MTUS1: variants seen among roughly 807,000 people sequenced by gnomAD.
MTUS1 encodes microtubule-associated tumor suppressor 1.
In MTUS1, 109 loss-of-function variants were observed where a neutral mutation model predicts 120.8. That is an observed-to-expected ratio of 0.90 (90% CI 0.77 to 1.06). MTUS1 has a LOEUF of 1.06. Ranked by LOEUF, MTUS1 falls within the 50% of genes least tolerant of loss-of-function variation. The pLI is 0.00. For missense variants in MTUS1, 2,210 were observed against 1,486.3 expected (o/e 1.49, Z -8.01); for synonymous variants, 737 against 550.5 (o/e 1.34, Z -4.74).
chr8:17,772,051 A>G (rs1290200150), intron 1 of MTUS1, among the ~76,000 whole-genome samples: 1 of 152,178 alleles, frequency 6.6e-6, no homozygotes, highest in Non-Finnish European at 1.5e-5. Flanking sequence ...AATGATTTAG[A>G]AGCAGAATCA....
Position 17,647,659 on chromosome 8 carries a change from A to G in MTUS1, c.3502-580T>C, listed in dbSNP as rs904636234. Among the ~76,000 whole-genome samples the G allele has an allele frequency of 2.0e-5, 3 of 152,172 alleles. No homozygotes were observed. In the South Asian group the frequency reaches 6.2e-4, roughly 31 times the overall value. On this transcript the variant is annotated intron_variant, in intron 13 of 14. Coordinates refer to ENST00000693296, the MANE Select transcript of MTUS1 (RefSeq NM_001363059.2). ...GAAGTAACATGCCACGAGTCTCCTC[A>G]GGTCAGCTGAAGATAGATAGGTCTG...
chr8:17,774,531 G>A (rs543677966), intron 1 of MTUS1, among the ~76,000 whole-genome samples: 1 of 152,178 alleles, frequency 6.6e-6, no homozygotes, highest in African/African-American at 2.4e-5. Context: ...TCTTTAGCGA[G>A]ATGCAAATCA....
chr8:17,651,621 A>G (rs1463177978), intron 12 of MTUS1: 3 of 151,562 alleles, frequency 2.0e-5, no homozygotes, highest in African/African-American at 4.9e-5. Context: ...TTAAAATTAG[A>G]GCATTTACAA....
At chr8:17,676,327 C>G in intron 7 of MTUS1, 1 of 703,030 alleles carries the variant, frequency 1.4e-6, no homozygotes, top group South Asian at 1.5e-5. Flanking sequence ...TGGGGCAGCC[C>G]ATTTTCCAGC....
chr8:17,746,543 C>A (rs951369389), intron 2 of MTUS1, among the ~76,000 whole-genome samples: 1 of 152,064 alleles, frequency 6.6e-6, no homozygotes, highest in Non-Finnish European at 1.5e-5. Flanking sequence ...AGCAGTTTCC[C>A]CTTATAAAAC....
At chr8:17,695,617 C>G (rs1817789358) in intron 6 of MTUS1, among the ~76,000 whole-genome samples, 1 of 152,186 alleles carries the variant, frequency 6.6e-6, no homozygotes, top group Admixed American at 6.5e-5. Context: ...CACAACAACA[C>G]TACAGACAAC....
At chr8:17,675,156 A>T (rs1318495728) in intron 8 of MTUS1, 30 bp downstream of exon 8, 1 of 1,613,180 alleles carries the variant, frequency 6.2e-7, no homozygotes. Context: ...TGTCCCATAA[A>T]ATTTAACAAC....
intron 4 of MTUS1, among the ~76,000 whole-genome samples, chr8:17,717,527 T>C (rs1019189864): frequency 2.0e-5 from 3 of 152,248 alleles, no homozygotes; most frequent in African/African-American, 7.2e-5. Flanking sequence ...TATTTGATTA[T>C]ATTCAGCAAC....
At chr8:17,712,407 G>A (rs947804827) in intron 6 of MTUS1, among the ~76,000 whole-genome samples, 11 of 151,836 alleles carry the variant, frequency 7.2e-5, no homozygotes, top group African/African-American at 2.7e-4. Context: ...TGTAATCTAC[G>A]CTCAATGCCA....
chr8:17,688,439 T>A (rs563522042), intron 6 of MTUS1, among the ~76,000 whole-genome samples: 3 of 152,242 alleles, frequency 2.0e-5, no homozygotes, highest in African/African-American at 7.2e-5. Flanking sequence ...ACTGACTGGA[T>A]GGTAAGTCCT....
At chr8:17,689,782 A>G (rs941471962) in intron 6 of MTUS1, among the ~76,000 whole-genome samples, 1 of 152,138 alleles carries the variant, frequency 6.6e-6, no homozygotes, top group Non-Finnish European at 1.5e-5. Context: ...AATACATACA[A>G]TGGGGAAAGG....
chr8:17,784,061 C>A (rs2051101130), intron 1 of MTUS1, among the ~76,000 whole-genome samples: 1 of 151,812 alleles, frequency 6.6e-6, no homozygotes. Context: ...AATTCAGTAT[C>A]CATTCATGCC....
At chr8:17,679,906 T>C (rs928006968) in intron 7 of MTUS1, among the ~76,000 whole-genome samples, 1 of 152,238 alleles carries the variant, frequency 6.6e-6, no homozygotes, top group Non-Finnish European at 1.5e-5. Context: ...GACTTTATGC[T>C]CATCCTACAT....
chr8:17,762,033 A>C (rs2049079816), intron 1 of MTUS1, among the ~76,000 whole-genome samples: 1 of 152,188 alleles, frequency 6.6e-6, no homozygotes, highest in South Asian at 2.1e-4. Context: ...TAATACCAAG[A>C]CTTTGGGAAG....
chr8:17,647,282 G>A (rs1420471239), intron 13 of MTUS1: 3 of 523,530 alleles, frequency 5.7e-6, no homozygotes, highest in African/African-American at 3.9e-5. Flanking sequence ...TTTAAAACAT[G>A]TATGCCAGGA....
chr8:17,785,363 T>C (rs964158585), intron 1 of MTUS1, among the ~76,000 whole-genome samples: 2 of 152,206 alleles, frequency 1.3e-5, no homozygotes, highest in South Asian at 2.1e-4. Context: ...CAGAAGAAGA[T>C]AAAGCTTGAG....
chr8:17,801,384 TCG>T (rs2052666316), upstream of MTUS1: 1 of 151,540 alleles, frequency 6.6e-6, no homozygotes, highest in African/African-American at 2.4e-5. Context: ...CTCCAGCGGC[TCG>T]CTGCGGGAGA....
intron 4 of MTUS1, chr8:17,721,906 A>T (rs1563266436): frequency 6.2e-7 from 1 of 1,612,790 alleles, no homozygotes; most frequent in Non-Finnish European, 8.5e-7. Context: ...AGTCATTTAA[A>T]AGGATCAAAG....
In MTUS1 at chr8:17,679,352, C is replaced by CAT. The variant is rs1563187861; in HGVS notation, c.2839-4101_2839-4100insAT. Among the ~76,000 whole-genome samples the CAT allele has an allele frequency of 7.4e-5, 10 of 135,598 alleles. No homozygotes were observed. In the South Asian group the frequency reaches 7.9e-4, roughly 11 times the overall value. 89.0% of individuals were successfully genotyped at this position (135,598 alleles called of 152,430 possible). ...TTTTATATACATATGCATGTGTGCG[C>CAT]GCGCGTGTGTGTGTGTGTGTGTGTG... On this transcript the variant is annotated intron_variant, in intron 7 of 14. Coordinates refer to ENST00000693296, the MANE Select transcript of MTUS1 (RefSeq NM_001363059.2).
Sources: allele counts gnomAD v4.1 joint callset (sites outside exome capture counted in the v4.1 genomes callset), GRCh38; gene constraint gnomAD v4.1.1; transcripts MANE v1.5; gene names NCBI Gene and HGNC (gene_info 2026-07-23, HGNC 2026-07-21).